Variants in NLRP1 observed in about 807,000 individuals in gnomAD.
NLRP1 encodes NACHT, LRR and PYD domains-containing protein 1.
In NLRP1, 94 loss-of-function variants were observed where a neutral mutation model predicts 136.7. The observed-to-expected ratio is 0.69, with a 90% CI of 0.58 to 0.82. The LOEUF (loss-of-function observed/expected upper bound fraction) is 0.82, where lower values mean the gene tolerates loss of function less well. NLRP1 is among the 40% of genes least tolerant of loss of function. The pLI, the probability that NLRP1 is intolerant of heterozygous loss-of-function variation, is 0.00. For missense variants in NLRP1, 1,575 were observed against 1,802.7 expected, an observed-to-expected ratio of 0.87 and a Z score of 2.29; for synonymous variants, 690 against 725.1, an observed-to-expected ratio of 0.95 and a Z score of 0.78.
At chr17:5,507,635 T>TA (rs1907412562) in intron 15 of NLRP1, among the ~76,000 whole-genome samples, 2 of 152,184 alleles carry the variant, frequency 1.3e-5, no homozygotes, top group Admixed American at 6.5e-5. Flanking sequence ...CCATCCTGGC[T>TA]AACACAGTGA....
At chr17:5,517,239 CA>C (rs1908231333) in intron 15 of NLRP1, among the ~76,000 whole-genome samples, 1 of 150,896 alleles carries the variant, frequency 6.6e-6, no homozygotes, top group Non-Finnish European at 1.5e-5. Flanking sequence ...CAGATTGAGT[CA>C]AGTTTAAATT....
intron 12 of NLRP1, among the ~76,000 whole-genome samples, chr17:5,529,359 ATTGT>A (rs1389245459): frequency 2.0e-5 from 3 of 148,046 alleles, no homozygotes. Flanking sequence ...AAGTTACTTG[ATTGT>A]TTATTCTTTT....
intron 3 of NLRP1, among the ~76,000 whole-genome samples, chr17:5,564,253 A>C (rs1915079297): frequency 6.6e-6 from 1 of 152,180 alleles, no homozygotes; most frequent in Non-Finnish European, 1.5e-5. Context: ...TTTATTATTG[A>C]CTATAGTCAC....
chr17:5,522,027 G>A (rs1238131114), intron 12 of NLRP1, among the ~76,000 whole-genome samples: 2 of 152,190 alleles, frequency 1.3e-5, no homozygotes, highest in African/African-American at 2.4e-5. Flanking sequence ...GTTTAACTAT[G>A]TTGGCCAGGT....
chr17:5,554,334 T>C (rs1357576331), intron 4 of NLRP1, among the ~76,000 whole-genome samples: 1 of 152,210 alleles, frequency 6.6e-6, no homozygotes, highest in East Asian at 1.9e-4. Flanking sequence ...TTTCACACAC[T>C]ACTTTAGTGA....
intron 4 of NLRP1, 24 bp from the exon 5 acceptor site, chr17:5,553,580 G>A (rs1245846791): frequency 6.2e-7 from 1 of 1,606,012 alleles, no homozygotes. Context: ...AGAAGGACAG[G>A]AGAGATGTGA....
At chr17:5,543,711 G>A (rs1352895339) in intron 5 of NLRP1, among the ~76,000 whole-genome samples, 1 of 152,020 alleles carries the variant, frequency 6.6e-6, no homozygotes, top group African/African-American at 2.4e-5. Context: ...GCTGGGTGGG[G>A]AAAGGCAGGA....
chr17:5,509,418 C>T (rs1231329092), downstream of NLRP1, among the ~76,000 whole-genome samples: 1 of 152,174 alleles, frequency 6.6e-6, no homozygotes, highest in East Asian at 1.9e-4. Context: ...GTAGTTATCC[C>T]ACCATTGAGA....
At chr17:5,582,110 C>A (rs1905728656) in intron 2 of NLRP1, 48 bp from the exon 3 acceptor site, 2 of 1,417,166 alleles carry the variant, frequency 1.4e-6, no homozygotes, top group African/African-American at 1.4e-5. Context: ...CATTTATTTT[C>A]TTTTAGGTGC....
intron 3 of NLRP1, among the ~76,000 whole-genome samples, chr17:5,560,718 A>G (rs890247863): frequency 3.3e-5 from 5 of 152,236 alleles, no homozygotes; most frequent in African/African-American, 1.2e-4. Flanking sequence ...ATGGAGCCTC[A>G]GTTGCTCACA....
chr17:5,501,667 G>T, exon 16 of NLRP1: 1 of 612,386 alleles, frequency 1.6e-6, no homozygotes, highest in Non-Finnish European at 3.0e-6. Context: ...AGCCTTTTGA[G>T]CATCTCGCAT....
At chr17:5,521,055 C>T (rs375599256) in intron 13 of NLRP1, 43 bp from the exon 14 acceptor site, 43 of 1,552,098 alleles carry the variant, frequency 2.8e-5, no homozygotes, top group African/African-American at 6.8e-5. Flanking sequence ...GCTTCTGCCC[C>T]GTGGAATGTG....
intron 3 of NLRP1, among the ~76,000 whole-genome samples, chr17:5,580,962 G>A (rs546828466): frequency 3.3e-4 from 50 of 152,116 alleles, no homozygotes; most frequent in Admixed American, 8.5e-4. Flanking sequence ...TTAGACTCAC[G>A]CGGTATATGT....
At position 5,541,385 on chromosome 17, in the gene NLRP1, C is replaced by T. The variant is rs770852141; in HGVS notation, c.2699+472G>A. 1.1e-4 allele frequency among the ~76,000 whole-genome samples: 16 copies of T among 152,160 alleles called. No homozygotes were observed. Among genetic ancestry groups the T allele is most frequent in the Non-Finnish European group, 1.9e-4 (13 of 68,022 alleles). The stretch of plus-strand genomic sequence containing the variant: ...GGCGGGGGGGATGGCTCTGTCCCCT[C>T]GGATGAGATAGTAAATCGAACTAAG... On this transcript the variant is annotated intron_variant, in intron 6 of 16. Transcript: ENST00000572272. The surrounding 1 kb of genome is among the most constrained non-coding windows in gnomAD (Gnocchi z 4.2).
chr17:5,534,469 G>C (rs1910761628), intron 8 of NLRP1, among the ~76,000 whole-genome samples: 1 of 152,176 alleles, frequency 6.6e-6, no homozygotes, highest in Non-Finnish European at 1.5e-5. Context: ...ATCCACCCAT[G>C]CATCCAGGCT....
chr17:5,569,408 A>G (rs1251285472), intron 3 of NLRP1, among the ~76,000 whole-genome samples: 1 of 152,210 alleles, frequency 6.6e-6, no homozygotes, highest in Non-Finnish European at 1.5e-5. Context: ...TCATAGGCTC[A>G]AAGTAAAGGG....
chr17:5,582,083 A>C, intron 2 of NLRP1, 21 bp from the exon 3 acceptor site: 1 of 1,572,070 alleles, frequency 6.4e-7, no homozygotes, highest in Non-Finnish European at 8.7e-7. Context: ...TGAAAAGAAA[A>C]ATAACCATTT....
At chr17:5,536,282 G>T (rs565548092) in intron 8 of NLRP1, among the ~76,000 whole-genome samples, 7,082 of 151,834 alleles carry the variant, frequency 0.047, 187 homozygotes, top group Middle Eastern at 0.088. Flanking sequence ...CCAAGTAGCT[G>T]AGACTACAGG....
intron 5 of NLRP1, among the ~76,000 whole-genome samples, chr17:5,544,296 G>A (rs1597436374): frequency 6.6e-6 from 1 of 152,184 alleles, no homozygotes; most frequent in Admixed American, 6.5e-5. Context: ...CTCGATTTGG[G>A]CTGGCAGCAT....
Sources: gnomAD v4.1 joint callset for allele counts (sites outside exome capture counted in the v4.1 genomes callset) on GRCh38, gnomAD v4.1.1 for gene constraint, Gnocchi (gnomAD v3.1) non-coding constraint, MANE v1.5 for transcripts, NCBI Gene and HGNC (gene_info 2026-07-23, HGNC 2026-07-21) for gene names.